Variants in DNAH14 observed in about 807,000 individuals in gnomAD.
The protein encoded by DNAH14 is axonemal beta dynein heavy chain 14.
Under a neutral mutation model 520.9 loss-of-function variants are expected in DNAH14, and 478 were observed. The ratio of observed to expected loss-of-function variants is 0.92; its 90% CI spans 0.85 to 0.99. The LOEUF (loss-of-function observed/expected upper bound fraction) is 0.99, where lower values mean the gene tolerates loss of function less well. Among genes scored for constraint, DNAH14 ranks in the 50% least tolerant of loss-of-function variants. The probability of loss-of-function intolerance (pLI) is 0.00; values close to 1 mark genes in which losing one functional copy is unlikely to be tolerated. For synonymous variants in DNAH14, 1,581 were observed against 1,757.2 expected, an observed-to-expected ratio of 0.90 and a Z score of 2.51; for missense variants, 4,831 against 5,234.5, an observed-to-expected ratio of 0.92 and a Z score of 2.38.
intron 17 of DNAH14, among the ~76,000 whole-genome samples, chr1:225,073,423 G>A (rs1015433740): frequency 1.3e-5 from 2 of 151,984 alleles, no homozygotes; most frequent in African/African-American, 4.8e-5. Flanking sequence ...CTGGTTGGGA[G>A]GTTCCATCCA....
At position 225,085,776 on chromosome 1, in the gene DNAH14, T is replaced by C; in HGVS notation, c.3560T>C (p.Ile1187Thr). ...GCAACAATTAAAGGATCTCCCCACA[T>C]TGGGCCCATTAAGGTAAGTATTATG... The part of the protein sequence containing the change: ...ILATIKGSPH[I>T]GPIKDLVNEW... Residue 1187 changes from isoleucine (I) to threonine (T), a missense_variant, in exon 21 of 86, where the codon ATT becomes ACT. Ile to Thr is a moderately conservative substitution (Grantham distance 89). Transcript: ENST00000682510. 2 of 1,546,358 alleles carry C rather than the reference T, an allele frequency of 1.3e-6. No homozygotes were observed. Among genetic ancestry groups the C allele is most frequent in the African/African-American group, 1.4e-5 (1 of 72,890 alleles).
intron 27 of DNAH14, among the ~76,000 whole-genome samples, chr1:225,128,542 A>G (rs1415822493): frequency 3.3e-5 from 5 of 151,948 alleles, no homozygotes; most frequent in Non-Finnish European, 7.3e-5. Flanking sequence ...AATCCAGCAT[A>G]TAAACAGAAC....
chr1:225,100,521 T>G lies in DNAH14; in HGVS notation c.3696-192T>G, dbSNP rs552656244. Among the ~76,000 whole-genome samples, 12 of 152,302 alleles carry G rather than the reference T, an allele frequency of 7.9e-5. No homozygotes were observed. In the South Asian group the frequency reaches 2.5e-3, roughly 32 times the overall value. ...TTAAATGATGGTTGTTGTGTCTAAT[T>G]TATCCATTTCTTACCATGTGCATCA... On this transcript the variant is annotated intron_variant, in intron 22 of 85. Coordinates refer to ENST00000682510, the MANE Select transcript of DNAH14 (RefSeq NM_001367479.1).
At chr1:225,388,514 A>C in intron 82 of DNAH14, 23 bp downstream of exon 82, 1 of 1,360,068 alleles carries the variant, frequency 7.4e-7, no homozygotes, top group South Asian at 1.4e-5. Context: ...GATGCTTTAC[A>C]TTTCTTCCTC....
In DNAH14 at chr1:225,257,961, A is replaced by G. The variant is rs2092800917; in HGVS notation, c.6867A>G (p.Gly2289=). 2 of 1,545,520 alleles carry G rather than the reference A, an allele frequency of 1.3e-6. No individual in the cohort carries two copies. Among genetic ancestry groups the G allele is most frequent in the Non-Finnish European group, 1.7e-6 (2 of 1,144,884 alleles). The change falls in exon 45 of 86, where the codon GGA becomes GGG. Residue 2289 remains glycine (G), a splice_region_variant and synonymous_variant. Coordinates refer to ENST00000682510, the MANE Select transcript of DNAH14 (RefSeq NM_001367479.1). ...VPNDQTLIQR[G]TSLLTNLQRS... ...ACTTTTTTTAAAATGTTAACTTAGG[A>G]ACTTCATTACTAACTAATCTTCAAA...
At chr1:224,981,345 A>G (rs987942197) in intron 8 of DNAH14, among the ~76,000 whole-genome samples, 2 of 152,154 alleles carry the variant, frequency 1.3e-5, no homozygotes, top group African/African-American at 4.8e-5. Context: ...CTTGTGGAAT[A>G]GTGTCAAAAG....
intron 8 of DNAH14, among the ~76,000 whole-genome samples, chr1:224,977,604 C>T (rs1036921245): frequency 3.9e-5 from 6 of 152,110 alleles, no homozygotes; most frequent in African/African-American, 1.4e-4. Flanking sequence ...TACTTATCTC[C>T]ACATGCACCA....
At position 225,038,770 on chromosome 1, in the gene DNAH14, C is replaced by T; in HGVS notation, c.1435C>T (p.His479Tyr). ...CEELVDNSKL[H>Y]AISVQKSEVK... ...AGAACTTGTTGATAATTCAAAGTTA[C>T]ATGCTATTTCTGTTCAAAAGTCAGA... is the stretch of plus-strand genomic sequence containing the variant. Residue 479 changes from histidine (H) to tyrosine (Y), a missense_variant, in exon 12 of 86, where the codon CAT becomes TAT. Physicochemically the swap from His to Tyr is moderately conservative, Grantham distance 83. Transcript: ENST00000682510. The T allele has an allele frequency of 6.5e-7, 1 of 1,528,858 alleles. No individual in the cohort carries two copies. Among genetic ancestry groups the T allele is most frequent in the East Asian group, 2.5e-5 (1 of 39,528 alleles). 94.7% of individuals were successfully genotyped at this position (1,528,858 alleles called of 1,614,324 possible).
chr1:225,272,687 T>TCC (rs1452473781), intron 51 of DNAH14, among the ~76,000 whole-genome samples: 1 of 152,066 alleles, frequency 6.6e-6, no homozygotes, highest in Non-Finnish European at 1.5e-5. Context: ...TAGTCGAGAC[T>TCC]CCCATCCTAG....
chr1:225,276,494 G>T (rs2093471612), intron 53 of DNAH14, among the ~76,000 whole-genome samples: 1 of 152,072 alleles, frequency 6.6e-6, no homozygotes, highest in Admixed American at 6.6e-5. Flanking sequence ...CATTGTTGTG[G>T]GCAAAGATGT....
chr1:225,338,239 T>C (rs1336541176), intron 68 of DNAH14, 57 bp downstream of exon 68: 1 of 1,532,002 alleles, frequency 6.5e-7, no homozygotes, highest in African/African-American at 1.4e-5. Flanking sequence ...ATAAATAATA[T>C]TGAATGCCTT....
At chr1:225,274,194 G>GTTTTTTTTTTTTTTTTTTTTTTTTTT (rs1193834939) in intron 52 of DNAH14, among the ~76,000 whole-genome samples, 2 of 120,322 alleles carry the variant, frequency 1.7e-5, no homozygotes, top group African/African-American at 3.4e-5. Context: ...ACCAGCATCT[G>GTTTTTTTTTTTTTTTTTTTTTTTTTT]TTATTTTTTT....
At chr1:224,957,774 G>A (rs533546423) in intron 3 of DNAH14, among the ~76,000 whole-genome samples, 12 of 152,206 alleles carry the variant, frequency 7.9e-5, no homozygotes, top group South Asian at 2.1e-4. Context: ...TTTTTGTGGC[G>A]TTCCAAAGCC....
At chr1:225,151,933 C>G (rs531994451) in intron 31 of DNAH14, 72 bp from the exon 32 acceptor site, 1 of 1,264,858 alleles carries the variant, frequency 7.9e-7, no homozygotes, top group Non-Finnish European at 1.1e-6. Flanking sequence ...AGCTTCCAAA[C>G]TCACTTATAG....
At chr1:225,065,199 G>T (rs552715376) in intron 17 of DNAH14, among the ~76,000 whole-genome samples, 1 of 151,704 alleles carries the variant, frequency 6.6e-6, no homozygotes, top group Non-Finnish European at 1.5e-5. Context: ...CATCTTCCAG[G>T]GTTTTTATAG....
chr1:225,258,772 G>A (rs965387267), intron 45 of DNAH14, among the ~76,000 whole-genome samples: 17 of 152,236 alleles, frequency 1.1e-4, no homozygotes, highest in Admixed American at 3.9e-4. Context: ...TGAACAAAAA[G>A]TTTATCATCA....
At chr1:225,334,229 A>C (rs1166998455) in intron 66 of DNAH14, among the ~76,000 whole-genome samples, 4 of 152,214 alleles carry the variant, frequency 2.6e-5, no homozygotes, top group Non-Finnish European at 5.9e-5. Flanking sequence ...CCTTGAGCCT[A>C]GGAATTCAAG....
intron 36 of DNAH14, among the ~76,000 whole-genome samples, chr1:225,172,329 G>A (rs2082785370): frequency 6.6e-6 from 1 of 152,146 alleles, no homozygotes; most frequent in African/African-American, 2.4e-5. Context: ...AATTGTCCCT[G>A]TTTGCAGATG....
intron 61 of DNAH14, among the ~76,000 whole-genome samples, chr1:225,321,002 G>C (rs773055857): frequency 7.9e-5 from 12 of 152,066 alleles, no homozygotes; most frequent in African/African-American, 2.4e-4. Context: ...TTGAGGAAAG[G>C]TTCCTTACTG....
Sources: gnomAD v4.1 joint callset for allele counts (sites outside exome capture counted in the v4.1 genomes callset) on GRCh38, gnomAD v4.1.1 for gene constraint, MANE v1.5 for transcripts, NCBI Gene and HGNC (gene_info 2026-07-23, HGNC 2026-07-21) for gene names.